ECD: variants seen among roughly 807,000 people sequenced by gnomAD.
The protein encoded by ECD is ecdysoneless cell cycle regulator, also known as protein ecdysoneless homolog.
Under a neutral mutation model 77.2 loss-of-function variants are expected in ECD, and 59 were observed. That is an observed-to-expected ratio of 0.76 (90% CI 0.62 to 0.95). ECD has a LOEUF of 0.95. Ranked by LOEUF, ECD falls within the 40% of genes least tolerant of loss-of-function variation. ECD has a pLI of 0.00. For synonymous variants in ECD, 233 were observed against 267.4 expected, an observed-to-expected ratio of 0.87 and a Z score of 1.26; for missense variants, 704 against 763.4, an observed-to-expected ratio of 0.92 and a Z score of 0.92.
chr10:73,142,549 G>A (rs951912557), intron 9 of ECD, among the ~76,000 whole-genome samples: 9 of 150,074 alleles, frequency 6.0e-5, no homozygotes, highest in Non-Finnish European at 1.3e-4. Flanking sequence ...CAGGGGCATC[G>A]CTTGAACCCG....
intron 2 of ECD, among the ~76,000 whole-genome samples, chr10:73,163,342 G>A (rs1441977770): frequency 6.6e-6 from 1 of 152,128 alleles, no homozygotes; most frequent in Non-Finnish European, 1.5e-5. Flanking sequence ...ATGAAACAAG[G>A]CAGCCTACCA....
chr10:73,159,754 C>T (rs938158520), intron 3 of ECD, among the ~76,000 whole-genome samples: 1 of 150,054 alleles, frequency 6.7e-6, no homozygotes, highest in African/African-American at 2.5e-5. Flanking sequence ...AGCAATTCTC[C>T]TGCCTCAGCC....
chr10:73,161,739 C>CTGTA (rs2133274271), intron 2 of ECD, among the ~76,000 whole-genome samples: 1 of 152,294 alleles, frequency 6.6e-6, no homozygotes, highest in South Asian at 2.1e-4. Flanking sequence ...TATGAGAAAG[C>CTGTA]TGTAGATCAA....
chr10:73,163,059 C>G (rs1429314804), intron 2 of ECD, among the ~76,000 whole-genome samples: 3 of 152,156 alleles, frequency 2.0e-5, no homozygotes, highest in Admixed American at 6.5e-5. Flanking sequence ...AGTGTCTTGT[C>G]TGTAAGTCCT....
intron 6 of ECD, among the ~76,000 whole-genome samples, chr10:73,154,012 A>G (rs1843258492): frequency 6.6e-6 from 1 of 152,192 alleles, no homozygotes; most frequent in Non-Finnish European, 1.5e-5. Flanking sequence ...AGTTTAATGC[A>G]AATATTCCAA....
At chr10:73,159,606 A>T (rs1843347389) in intron 3 of ECD, among the ~76,000 whole-genome samples, 1 of 151,620 alleles carries the variant, frequency 6.6e-6, no homozygotes, top group African/African-American at 2.4e-5. Flanking sequence ...TTTTATTTGA[A>T]ATCTTTTGGA....
At position 73,134,825 on chromosome 10, in the gene ECD, A is replaced by G. The variant is rs1372221777; in HGVS notation, c.1705-12T>C. On this transcript the variant is annotated splice_polypyrimidine_tract_variant and intron_variant, in intron 13 of 13. Coordinates refer to ENST00000372979, the MANE Select transcript of ECD (RefSeq NM_007265.3). ...TGGGATACAGGTTCCTTATTCATAG[A>G]GGGAAAAGAAAATTATGGGCTAATG... 6.2e-7 allele frequency: 1 copy of G among 1,610,178 alleles called. No individual in the cohort carries two copies. Among genetic ancestry groups the G allele is most frequent in the Non-Finnish European group, 8.5e-7 (1 of 1,176,736 alleles).
chr10:73,163,240 A>G (rs1473769161), intron 2 of ECD, among the ~76,000 whole-genome samples: 1 of 152,196 alleles, frequency 6.6e-6, no homozygotes, highest in Non-Finnish European at 1.5e-5. Context: ...AAACCTCAAA[A>G]TGCTTGTAAG....
At chr10:73,158,685 G>A (rs1334234028) in intron 3 of ECD, among the ~76,000 whole-genome samples, 3 of 152,040 alleles carry the variant, frequency 2.0e-5, no homozygotes, top group Non-Finnish European at 2.9e-5. Flanking sequence ...GCAGTGAGCC[G>A]AGATTGTTCC....
intron 7 of ECD, among the ~76,000 whole-genome samples, chr10:73,149,172 G>A (rs1313808315): frequency 6.6e-6 from 1 of 152,126 alleles, no homozygotes; most frequent in African/African-American, 2.4e-5. Context: ...CCAGTCTCCT[G>A]CTACTATGAA....
chr10:73,164,193 A>G (rs763675817), intron 1 of ECD, among the ~76,000 whole-genome samples: 7 of 151,502 alleles, frequency 4.6e-5, no homozygotes, highest in Non-Finnish European at 7.4e-5. Flanking sequence ...AAATACTAAA[A>G]ATACAAAAAT....
At chr10:73,154,766 C>T (rs1406989125) in intron 5 of ECD, among the ~76,000 whole-genome samples, 1 of 151,912 alleles carries the variant, frequency 6.6e-6, no homozygotes, top group Non-Finnish European at 1.5e-5. Context: ...AACCCCATCT[C>T]TACTAAAAAT....
At chr10:73,168,025 GAA>G, upstream of ECD, 1 of 359,332 alleles carries the variant, frequency 2.8e-6, no homozygotes, top group Non-Finnish European at 5.0e-6. Flanking sequence ...AATCCTGAGA[GAA>G]AGTCTGAAAC....
chr10:73,163,859 C>A lies in ECD; in HGVS notation c.79G>T (p.Asp27Tyr), dbSNP rs1222736700. Residue 27 changes from aspartate to tyrosine, a missense_variant, in exon 2 of 14, where the codon GAC becomes TAC. Asp to Tyr is a radical substitution (Grantham distance 160). Transcript: ENST00000372979. ...AGAATCTCTTTATGTTTATCTGAGT[C>A]CCTTGACTCATCTGGTATCAGGAAC... ...CLFLIPDESR[D>Y]SDKHKEILQK... 5 of 1,614,006 alleles carry A rather than the reference C, an allele frequency of 3.1e-6. No individual in the cohort carries two copies. The highest frequency in any genetic ancestry group is 4.2e-6 in the Non-Finnish European group (5 of 1,180,026).
chr10:73,134,917 A>C (rs1044730120), intron 13 of ECD, 104 bp from the exon 14 acceptor site: 1 of 996,580 alleles, frequency 1.0e-6, no homozygotes, highest in East Asian at 2.5e-5. Flanking sequence ...TTGCATTCCA[A>C]ATTAAAAAGG....
At chr10:73,149,074 T>C (rs1388566557) in intron 7 of ECD, among the ~76,000 whole-genome samples, 1 of 152,196 alleles carries the variant, frequency 6.6e-6, no homozygotes, top group Non-Finnish European at 1.5e-5. Context: ...ATCACTTACA[T>C]GAGCACACAC....
Position 73,138,053 on chromosome 10 carries a change from G to A in ECD, c.1439C>T (p.Pro480Leu). 1 of 1,597,904 alleles carries A rather than the reference G, an allele frequency of 6.3e-7. No individual in the cohort carries two copies. The highest frequency in any genetic ancestry group is 8.5e-7 in the Non-Finnish European group (1 of 1,174,366). Residue 480 changes from proline to leucine, a missense_variant, in exon 12 of 14, where the codon CCA (proline) becomes CTA (leucine). Transcript: ENST00000372979. ...AAAAGAATCTGCATCAAAAGTGATT[G>A]GAGCCTCAGAAGGTTCTCTGCAATA... Reference protein sequence around the residue: ...AELPREPSEAPITFDADSFLN... With the variant: ...AELPREPSEALITFDADSFLN...
Position 73,154,372 on chromosome 10 carries a change from G to A in ECD, c.667C>T (p.Gln223Ter). The A allele has an allele frequency of 6.2e-7, 1 of 1,614,122 alleles. No individual in the cohort carries two copies. The highest frequency in any genetic ancestry group is 1.1e-5 in the South Asian group (1 of 91,078). ...GCTGCAGCCACCAATCTGGGGCGCT[G>A]CTTTAGCACTGCCACAATGCCAGCT... ...LPAGIVAVLK[Q>*]RPRLVAAAVQ... The change falls in exon 6 of 14, where the codon CAG (glutamine) becomes TAG (stop). Residue 223 changes from glutamine (Q) to a stop codon, truncating the protein, a stop_gained. Transcript: ENST00000372979. LOFTEE classifies it high-confidence loss of function.
At chr10:73,157,920 C>T (rs369691052) in intron 3 of ECD, among the ~76,000 whole-genome samples, 3 of 151,502 alleles carry the variant, frequency 2.0e-5, no homozygotes, top group Admixed American at 6.6e-5. Flanking sequence ...TGTTATATAT[C>T]GTTCTAGCTC....
Sources: gnomAD v4.1 joint callset for allele counts (sites outside exome capture counted in the v4.1 genomes callset) on GRCh38, gnomAD v4.1.1 for gene constraint, MANE v1.5 for transcripts, NCBI Gene and HGNC (gene_info 2026-07-23, HGNC 2026-07-21) for gene names.